Variants in COX10 observed in about 807,000 individuals in gnomAD.
The protein encoded by COX10 is cytochrome c oxidase assembly factor heme A:farnesyltransferase COX10, also known as protoheme IX farnesyltransferase, mitochondrial.
Under a neutral mutation model 37.3 loss-of-function variants are expected in COX10, and 27 were observed. The observed-to-expected ratio is 0.72, with a 90% CI of 0.53 to 1.00. The LOEUF is 1.00. Ranked by LOEUF, COX10 falls within the 50% of genes least tolerant of loss-of-function variation. The pLI, the probability that COX10 is intolerant of heterozygous loss-of-function variation, is 0.00. For synonymous variants in COX10, 222 were observed against 229.1 expected (o/e 0.97, Z 0.28); for missense variants, 475 against 563.2 (o/e 0.84, Z 1.59).
At chr17:14,142,284 C>G (rs762938301) in intron 4 of COX10, among the ~76,000 whole-genome samples, 7 of 152,184 alleles carry the variant, frequency 4.6e-5, no homozygotes, top group Non-Finnish European at 1.0e-4. Context: ...TGTGCAGACA[C>G]GGAAAAATCA....
intron 5 of COX10, among the ~76,000 whole-genome samples, chr17:14,169,866 G>A (rs1056487431): frequency 2.6e-4 from 39 of 152,172 alleles, no homozygotes; most frequent in African/African-American, 8.0e-4. Flanking sequence ...CTAGTGGGAG[G>A]TGTTCGGGTT....
chr17:14,094,579 A>C (rs1340631997), intron 3 of COX10, among the ~76,000 whole-genome samples: 3 of 152,162 alleles, frequency 2.0e-5, no homozygotes, highest in African/African-American at 7.2e-5. Flanking sequence ...TATTATTTTT[A>C]GTCTACATTT....
At chr17:14,130,008 C>T (rs1192364570) in intron 4 of COX10, among the ~76,000 whole-genome samples, 1 of 152,144 alleles carries the variant, frequency 6.6e-6, no homozygotes, top group Non-Finnish European at 1.5e-5. Flanking sequence ...TATATTCTTT[C>T]CTTTCTTCTC....
At chr17:14,150,801 G>T (rs1182732215) in intron 4 of COX10, among the ~76,000 whole-genome samples, 1 of 152,200 alleles carries the variant, frequency 6.6e-6, no homozygotes, top group Non-Finnish European at 1.5e-5. Context: ...GGCAGGTGCA[G>T]TACAAGACTG....
At chr17:14,073,726 C>T (rs1403685414) in intron 1 of COX10, among the ~76,000 whole-genome samples, 3 of 152,062 alleles carry the variant, frequency 2.0e-5, no homozygotes, top group Non-Finnish European at 4.4e-5. Flanking sequence ...TATGGCTTGT[C>T]GGAGGCTTGA....
chr17:14,146,300 C>A (rs190068482), intron 4 of COX10, among the ~76,000 whole-genome samples: 1 of 151,966 alleles, frequency 6.6e-6, no homozygotes, highest in Non-Finnish European at 1.5e-5. Context: ...AAAATAGACA[C>A]GTAAACCAAT....
intron 3 of COX10, among the ~76,000 whole-genome samples, chr17:14,093,520 T>C (rs953426768): frequency 1.3e-5 from 2 of 152,190 alleles, no homozygotes; most frequent in Admixed American, 1.3e-4. Context: ...CAAGTGGTTC[T>C]CTGCTGCCCT....
At chr17:14,152,620 C>A (rs901743693) in intron 4 of COX10, among the ~76,000 whole-genome samples, 1 of 152,112 alleles carries the variant, frequency 6.6e-6, no homozygotes, top group African/African-American at 2.4e-5. Flanking sequence ...CTGGGCCTGA[C>A]AAAAGCAGAG....
intron 5 of COX10, among the ~76,000 whole-genome samples, chr17:14,185,574 A>G (rs1355290261): frequency 1.3e-5 from 2 of 152,254 alleles, no homozygotes; most frequent in Non-Finnish European, 2.9e-5. Context: ...TAAAGATTTC[A>G]TGGTAAATCA....
Position 14,074,039 on chromosome 17 carries a change from G to A in COX10, c.44-284G>A, listed in dbSNP as rs138249605. ...GGGTTGTTTTATATTTTCTTAAGAA[G>A]ATATGTAGCGTGGTCATTTCAGCAT... is the stretch of plus-strand genomic sequence containing the variant. On this transcript the variant is annotated intron_variant, in intron 1 of 6. Transcript: ENST00000261643. 6.5e-4 allele frequency among the ~76,000 whole-genome samples: 99 copies of A among 152,200 alleles called. No homozygotes were observed. The East Asian group carries it at 0.017, about 26-fold the overall frequency.
At chr17:14,155,126 A>G (rs920066248) in intron 4 of COX10, among the ~76,000 whole-genome samples, 1 of 152,176 alleles carries the variant, frequency 6.6e-6, no homozygotes, top group Non-Finnish European at 1.5e-5. Context: ...TATGAAGTCC[A>G]AATAATCAGG....
In COX10 at chr17:14,102,177, C is replaced by G. The variant is rs777059081; in HGVS notation, c.559C>G (p.Pro187Ala). The G allele has an allele frequency of 1.9e-6, 3 of 1,613,734 alleles. No individual in the cohort carries two copies. Among genetic ancestry groups the G allele is most frequent in the Non-Finnish European group, 2.5e-6 (3 of 1,179,756 alleles). The change falls in exon 4 of 7, where the codon CCC (proline) becomes GCC (alanine). Residue 187 changes from proline (P) to alanine (A), a missense_variant. By Grantham distance (27) the Pro-to-Ala change is conservative. Coordinates refer to ENST00000261643, the MANE Select transcript of COX10 (RefSeq NM_001303.4). ...ATTGGCTCCGGGCCCTTTTGACTGG[C>G]CCTGTTTCCTGCTTACTTCTGTTGG... is the stretch of plus-strand genomic sequence containing the variant. ...FALAPGPFDWPCFLLTSVGTG... is the reference protein window; with the variant it reads ...FALAPGPFDWACFLLTSVGTG...
At chr17:14,173,716 T>A (rs899355300) in intron 5 of COX10, among the ~76,000 whole-genome samples, 2 of 152,076 alleles carry the variant, frequency 1.3e-5, no homozygotes, top group African/African-American at 4.8e-5. Context: ...TAGTATATAA[T>A]AAGGCAAGAG....
At chr17:14,123,957 A>G (rs978073326) in intron 4 of COX10, among the ~76,000 whole-genome samples, 25 of 152,122 alleles carry the variant, frequency 1.6e-4, no homozygotes, top group African/African-American at 5.1e-4. Flanking sequence ...AGTGCTCCAT[A>G]TTAGTAGTAC....
chr17:14,145,772 G>C (rs1904694756), intron 4 of COX10, among the ~76,000 whole-genome samples: 1 of 152,130 alleles, frequency 6.6e-6, no homozygotes, highest in Non-Finnish European at 1.5e-5. Flanking sequence ...CAATACTGGA[G>C]GTAGGGGAAG....
At chr17:14,191,362 C>T (rs3020877) in intron 5 of COX10, among the ~76,000 whole-genome samples, 78,284 of 143,274 alleles carry the variant, frequency 0.55, 21,786 homozygotes, top group East Asian at 0.58. Flanking sequence ...AACAGCCACC[C>T]GGTGTTTACT....
intron 5 of COX10, among the ~76,000 whole-genome samples, chr17:14,167,308 G>C (rs1183097836): frequency 6.6e-6 from 1 of 152,182 alleles, no homozygotes; most frequent in Non-Finnish European, 1.5e-5. Flanking sequence ...GAGACCCAAT[G>C]TATTTCTGAC....
chr17:14,089,800 G>C (rs1297660908), intron 3 of COX10, among the ~76,000 whole-genome samples: 1 of 152,032 alleles, frequency 6.6e-6, no homozygotes, highest in Non-Finnish European at 1.5e-5. Flanking sequence ...CCTTCACTCT[G>C]GGTCTGGGGT....
chr17:14,159,930 G>T lies in COX10; in HGVS notation c.678G>T (p.Leu226=). 5.6e-6 allele frequency: 9 copies of T among 1,612,446 alleles called. No homozygotes were observed. The highest frequency in any genetic ancestry group is 7.6e-6 in the Non-Finnish European group (9 of 1,179,594). Residue 226 remains leucine (L), a synonymous_variant, in exon 5 of 7, where the codon CTG becomes CTT. Coordinates refer to ENST00000261643, the MANE Select transcript of COX10 (RefSeq NM_001303.4). Reference sequence around the variant, plus strand: ...TGAATAGGACAAAGAACAGACCGCTGGTTCGTGGACAGATCAGGTAAAATC... The same window carrying T: ...TGAATAGGACAAAGAACAGACCGCTTGTTCGTGGACAGATCAGGTAAAATC... ...SNMNRTKNRP[L]VRGQISPLLA...
Sources: allele counts gnomAD v4.1 joint callset (sites outside exome capture counted in the v4.1 genomes callset), GRCh38; gene constraint gnomAD v4.1.1; transcripts MANE v1.5; gene names NCBI Gene and HGNC (gene_info 2026-07-23, HGNC 2026-07-21).